DRP2: variants seen among roughly 807,000 people sequenced by gnomAD.
DRP2 encodes dystrophin related protein 2.
DRP2 carries 29 observed loss-of-function variants against 78.2 expected under a neutral mutation model. The observed-to-expected ratio is 0.37, with a 90% CI of 0.28 to 0.51. The LOEUF (loss-of-function observed/expected upper bound fraction) is 0.51, where lower values mean the gene tolerates loss of function less well. Ranked by LOEUF, DRP2 falls within the 20% of genes least tolerant of loss-of-function variation. The probability of loss-of-function intolerance (pLI) is 0.94; values close to 1 mark genes in which losing one functional copy is unlikely to be tolerated. For missense variants in DRP2, 686 were observed against 770.6 expected (o/e 0.89, Z 1.30); for synonymous variants, 290 against 281.9 (o/e 1.03, Z -0.29).
intron 17 of DRP2, 95 bp downstream of exon 17, chrX:101,252,811 C>T (rs958640462): frequency 3.0e-6 from 2 of 676,746 alleles, no homozygotes; most frequent in Admixed American, 3.1e-5. Flanking sequence ...GTTTTCTGCT[C>T]TCCCGTGGGG....
intron 8 of DRP2, 77 bp from the exon 9 acceptor site, chrX:101,242,827 G>T: frequency 1.0e-6 from 1 of 989,279 alleles, no homozygotes. Context: ...AGCTCATAAA[G>T]ATTCCCAGAG....
At chrX:101,257,234 T>C (rs750142611) in intron 21 of DRP2, among the ~76,000 whole-genome samples, 112 of 108,538 alleles carry the variant, frequency 1.0e-3, no homozygotes, top group African/African-American at 3.6e-3. Flanking sequence ...GGAAGCTTGG[T>C]AAAATACAAA....
Position 101,220,412 on chromosome X carries a change from GA to G in DRP2, c.-167+277del, listed in dbSNP as rs1204968915. On this transcript the variant is annotated intron_variant, in intron 1 of 23. Coordinates refer to ENST00000395209, the MANE Select transcript of DRP2 (RefSeq NM_001939.3). ...AGTAGTCACCATTTAGATTCATAAA[GA>G]AAAAAAAAAAGATGCCCAAGAATAG... Among the ~76,000 whole-genome samples, 637 of 96,225 alleles carry G rather than the reference GA, an allele frequency of 6.6e-3. 3 individuals carry two copies. Among genetic ancestry groups the G allele is most frequent in the African/African-American group, 0.02 (530 of 26,507 alleles). 83.6% of individuals were successfully genotyped at this position (96,225 alleles called of 115,157 possible).
Position 101,244,426 on chromosome X carries a change from G to A in DRP2, c.1055-591G>A, listed in dbSNP as rs752685421. Among the ~76,000 whole-genome samples, 4 of 112,007 alleles carry A rather than the reference G, an allele frequency of 3.6e-5. No individual in the cohort carries two copies. The South Asian group carries it at 1.1e-3, about 32-fold the overall frequency. ...TTGGCATACAGCTATACCTGCAGGC[G>A]GAGGACTCTTGTACCGAGGAAAACT... On this transcript the variant is annotated intron_variant, in intron 9 of 23. Coordinates refer to ENST00000395209, the MANE Select transcript of DRP2 (RefSeq NM_001939.3).
chrX:101,241,664 G>A lies in DRP2; in HGVS notation c.560-4G>A. On this transcript the variant is annotated splice_region_variant and splice_polypyrimidine_tract_variant and intron_variant, in intron 6 of 23. Transcript: ENST00000395209. ...CTAACCTGGCTTCCTGCCTCCTCTT[G>A]CAGATACCTCCCCGAAACAGCGGAT... is the stretch of plus-strand genomic sequence containing the variant. 1 of 1,209,573 alleles carries A rather than the reference G, an allele frequency of 8.3e-7. No homozygotes were observed. The highest frequency in any genetic ancestry group is 1.8e-5 in the South Asian group (1 of 56,838).
chrX:101,245,322 G>A (rs1334450849), intron 10 of DRP2, 66 bp from the exon 11 acceptor site: 3 of 1,055,131 alleles, frequency 2.8e-6, no homozygotes, highest in Non-Finnish European at 3.9e-6. Flanking sequence ...TGAGTGGTGT[G>A]CACATCTGAG....
Position 101,242,974 on chromosome X carries a change from TTC to T in DRP2, c.1051_1052del (p.Ser351LeufsTer15). ...GACTTTGGGCCTGGGTCACAGCACTTTCTCTCCTGTACGTGAACCAAACTGGA... is the reference window on the plus strand; with the variant it reads ...GACTTTGGGCCTGGGTCACAGCACTTTCTCCTGTACGTGAACCAAACTGGA... On this transcript the variant is annotated frameshift_variant, in exon 9 of 24. Transcript: ENST00000395209. LOFTEE classifies it high-confidence loss of function. The T allele has an allele frequency of 2.5e-6, 3 of 1,210,241 alleles. No individual in the cohort carries two copies. Among genetic ancestry groups the T allele is most frequent in the Non-Finnish European group, 3.4e-6 (3 of 894,655 alleles).
In DRP2 at chrX:101,260,668, G is replaced by A. The variant is rs764694483; in HGVS notation, c.*47G>A. On this transcript the variant is annotated 3_prime_UTR_variant, in exon 24 of 24. Transcript: ENST00000395209. ...TAGTTCATAGTCCTCTCCTGGTTCC[G>A]GTCAAAGCCTTTCCTCAGCCTTCAC... The A allele has an allele frequency of 1.7e-5, 20 of 1,164,111 alleles. No homozygotes were observed. The South Asian group carries it at 2.3e-4, about 13-fold the overall frequency.
At chrX:101,226,921 C>G in intron 2 of DRP2, among the ~76,000 whole-genome samples, 1 of 111,828 alleles carries the variant, frequency 8.9e-6, no homozygotes. Context: ...TTATTTCTTA[C>G]AGTTATGGAA....
chrX:101,238,891 GAGA>G, intron 5 of DRP2, 87 bp from the exon 6 acceptor site: 1 of 1,090,842 alleles, frequency 9.2e-7, no homozygotes, highest in East Asian at 3.1e-5. Context: ...AAGACACACT[GAGA>G]AGAAGAAAGG....
intron 6 of DRP2, among the ~76,000 whole-genome samples, chrX:101,239,766 A>T (rs1428985088): frequency 9.0e-6 from 1 of 111,431 alleles, no homozygotes; most frequent in Non-Finnish European, 1.9e-5. Context: ...TTTAATAGAG[A>T]CGGGGTTTCA....
Position 101,235,938 on chromosome X carries a change from G to A in DRP2, c.196G>A (p.Gly66Arg), listed in dbSNP as rs1482911945. 9.1e-6 allele frequency: 11 copies of A among 1,210,185 alleles called. No homozygotes were observed. The highest frequency in any genetic ancestry group is 5.9e-5 in the East Asian group (2 of 33,787). Reference sequence around the variant, plus strand: ...CTGCCTAAGCCTAAAGCTGTTGAACGGGTCTGTTGGTGCCTCTGGACCCCT... The same window carrying A: ...CTGCCTAAGCCTAAAGCTGTTGAACAGGTCTGTTGGTGCCTCTGGACCCCT... ...VPCLSLKLLNGSVGASGPLEP... is the reference protein window; with the variant it reads ...VPCLSLKLLNRSVGASGPLEP... The change falls in exon 4 of 24, where the codon GGG becomes AGG. Residue 66 changes from glycine (G) to arginine (R), a missense_variant. Coordinates refer to ENST00000395209, the MANE Select transcript of DRP2 (RefSeq NM_001939.3).
At chrX:101,254,832 C>G in intron 18 of DRP2, 27 bp from the exon 19 acceptor site, 1 of 1,211,042 alleles carries the variant, frequency 8.3e-7, no homozygotes, top group Non-Finnish European at 1.1e-6. Flanking sequence ...GTCTTTGGTC[C>G]TCCGAGTCTT....
At chrX:101,259,897 G>A (rs1923483812) in intron 22 of DRP2, 152 bp from the exon 23 acceptor site, 1 of 659,676 alleles carries the variant, frequency 1.5e-6, no homozygotes, top group Non-Finnish European at 2.3e-6. Context: ...CCTAAAAGTG[G>A]AAGCCACTGT....
intron 16 of DRP2, 29 bp downstream of exon 16, chrX:101,251,112 T>G: frequency 8.7e-7 from 1 of 1,148,966 alleles, no homozygotes; most frequent in Non-Finnish European, 1.2e-6. Flanking sequence ...GCTGGGATGA[T>G]AATAATAAAT....
intron 8 of DRP2, 111 bp from the exon 9 acceptor site, chrX:101,242,793 C>A: frequency 1.3e-6 from 1 of 761,464 alleles, no homozygotes; most frequent in South Asian, 2.4e-5. Flanking sequence ...AGGCTGGAAC[C>A]AGAGAAAAGC....
chrX:101,259,601 C>T (rs1025967565), intron 22 of DRP2, among the ~76,000 whole-genome samples: 1 of 111,714 alleles, frequency 9.0e-6, no homozygotes, highest in Non-Finnish European at 1.9e-5. Context: ...CAGGTTCAAG[C>T]GATTCTCCTG....
intron 2 of DRP2, among the ~76,000 whole-genome samples, chrX:101,226,261 T>G (rs776636721): frequency 8.9e-6 from 1 of 111,881 alleles, no homozygotes; most frequent in East Asian, 2.8e-4. Flanking sequence ...ACGTTTAAGT[T>G]TTTGCAATTT....
In DRP2 at chrX:101,235,941, T is replaced by A; in HGVS notation, c.199T>A (p.Ser67Thr). The A allele has an allele frequency of 8.3e-7, 1 of 1,211,633 alleles. No individual in the cohort carries two copies. The highest frequency in any genetic ancestry group is 1.1e-6 in the Non-Finnish European group (1 of 895,381). The change falls in exon 4 of 24, where the codon TCT becomes ACT. Residue 67 changes from serine to threonine, a missense_variant. Physicochemically the swap from Ser to Thr is moderately conservative, Grantham distance 58 (BLOSUM62 1). Transcript: ENST00000395209. ...CCTAAGCCTAAAGCTGTTGAACGGG[T>A]CTGTTGGTGCCTCTGGACCCCTGGA... Reference protein sequence around the residue: ...PCLSLKLLNGSVGASGPLEPP... With the variant: ...PCLSLKLLNGTVGASGPLEPP...
Sources: gnomAD v4.1 joint callset for allele counts (sites outside exome capture counted in the v4.1 genomes callset) on GRCh38, gnomAD v4.1.1 for gene constraint, MANE v1.5 for transcripts, NCBI Gene and HGNC (gene_info 2026-07-23, HGNC 2026-07-21) for gene names.